The following PRKG1 variants were observed in gnomAD, a reference collection of about 807,000 sequenced individuals.
The protein encoded by PRKG1 is protein kinase cGMP-dependent 1.
In PRKG1, 35 loss-of-function variants were observed where a neutral mutation model predicts 88.1. The observed-to-expected ratio is 0.40, with a 90% CI of 0.30 to 0.53. The LOEUF is 0.53. Ranked by LOEUF, PRKG1 falls within the 20% of genes least tolerant of loss-of-function variation. The pLI, the probability that PRKG1 is intolerant of heterozygous loss-of-function variation, is 0.59. For missense variants in PRKG1, 540 were observed against 839.8 expected, an observed-to-expected ratio of 0.64 and a Z score of 4.41; for synonymous variants, 303 against 292.5, an observed-to-expected ratio of 1.04 and a Z score of -0.37.
intron 2 of PRKG1, among the ~76,000 whole-genome samples, chr10:51,406,620 TG>T (rs1441471823): frequency 2.0e-3 from 136 of 67,508 alleles, no homozygotes; most frequent in African/African-American, 5.7e-3. Flanking sequence ...GCATTATGTT[TG>T]TTTTTTTTTT....
intron 3 of PRKG1, among the ~76,000 whole-genome samples, chr10:51,725,478 C>T (rs781389344): frequency 7.9e-5 from 12 of 151,534 alleles, no homozygotes; most frequent in Non-Finnish European, 1.6e-4. Context: ...ATTGTTTCCA[C>T]CAAATTTGTG....
chr10:51,875,527 C>T (rs1347342104), intron 4 of PRKG1, among the ~76,000 whole-genome samples: 1 of 152,084 alleles, frequency 6.6e-6, no homozygotes. Flanking sequence ...CCAGCTTCAG[C>T]CTCCCAAGTA....
intron 8 of PRKG1, among the ~76,000 whole-genome samples, chr10:52,159,435 T>C (rs551859147): frequency 1.3e-5 from 2 of 151,570 alleles, no homozygotes; most frequent in African/African-American, 4.8e-5. Flanking sequence ...GGATATGATA[T>C]TATGAGGTTT....
At chr10:51,787,773 A>G (rs1838764839) in intron 3 of PRKG1, among the ~76,000 whole-genome samples, 1 of 152,160 alleles carries the variant, frequency 6.6e-6, no homozygotes, top group South Asian at 2.1e-4. Flanking sequence ...ATTATTAAAT[A>G]TTATCTTTTG....
At chr10:51,503,735 G>C (rs72795138) in intron 3 of PRKG1, among the ~76,000 whole-genome samples, 200 of 152,238 alleles carry the variant, frequency 1.3e-3, no homozygotes, top group Non-Finnish European at 2.3e-3. Context: ...AGGTAGGAAT[G>C]TTTGTAGAGT....
chr10:51,986,529 A>G (rs1039596813), intron 5 of PRKG1, among the ~76,000 whole-genome samples: 2 of 152,232 alleles, frequency 1.3e-5, no homozygotes, highest in African/African-American at 4.8e-5. Flanking sequence ...AGCTAAGAAT[A>G]TCAGTTTCTA....
At chr10:51,701,762 G>A (rs540506286) in intron 3 of PRKG1, among the ~76,000 whole-genome samples, 10 of 150,674 alleles carry the variant, frequency 6.6e-5, no homozygotes, top group Admixed American at 1.3e-4. Flanking sequence ...ATGGTAATGG[G>A]GTATTATAAT....
chr10:52,289,137 C>CT (rs1842184404), intron 16 of PRKG1, 144 bp downstream of exon 16: 1 of 728,486 alleles, frequency 1.4e-6, no homozygotes, highest in Non-Finnish European at 2.2e-6. Context: ...TTTTAAATGC[C>CT]TTTCTAGTTG....
At chr10:51,413,667 T>C (rs891650627) in intron 2 of PRKG1, among the ~76,000 whole-genome samples, 1 of 152,104 alleles carries the variant, frequency 6.6e-6, no homozygotes, top group East Asian at 1.9e-4. Context: ...CCAAAAAAAG[T>C]TTTTAAAAAA....
intron 2 of PRKG1, among the ~76,000 whole-genome samples, chr10:51,402,259 A>G (rs1837761405): frequency 6.6e-6 from 1 of 152,206 alleles, no homozygotes; most frequent in Non-Finnish European, 1.5e-5. Context: ...TAGATTATTA[A>G]TCAGCCAACC....
intron 2 of PRKG1, among the ~76,000 whole-genome samples, chr10:51,353,657 C>T (rs892821885): frequency 2.6e-5 from 4 of 151,884 alleles, no homozygotes; most frequent in African/African-American, 9.7e-5. Flanking sequence ...CAAATGCTGG[C>T]GAGGATGTGG....
chr10:51,449,188 C>T (rs1421166631), intron 2 of PRKG1, among the ~76,000 whole-genome samples: 1 of 151,738 alleles, frequency 6.6e-6, no homozygotes, highest in Non-Finnish European at 1.5e-5. Flanking sequence ...TTGTGTCAAA[C>T]TTGCATATTA....
At chr10:52,266,971 C>T (rs2132424973) in intron 10 of PRKG1, among the ~76,000 whole-genome samples, 2 of 152,108 alleles carry the variant, frequency 1.3e-5, no homozygotes, top group South Asian at 4.2e-4. Flanking sequence ...CACTCCTGTT[C>T]TCCTTTTTTG....
At chr10:52,121,542 A>G (rs1564478077) in intron 7 of PRKG1, among the ~76,000 whole-genome samples, 1 of 152,216 alleles carries the variant, frequency 6.6e-6, no homozygotes, top group Non-Finnish European at 1.5e-5. Flanking sequence ...AGCATCTGGA[A>G]TCCTTTGCTG....
chr10:51,873,604 T>G (rs1841214432), intron 4 of PRKG1, among the ~76,000 whole-genome samples: 1 of 151,212 alleles, frequency 6.6e-6, no homozygotes, highest in Non-Finnish European at 1.5e-5. Flanking sequence ...CTCAGCTCAC[T>G]GCAACCTCTG....
At chr10:51,054,280 T>C (rs948406966) in intron 1 of PRKG1, among the ~76,000 whole-genome samples, 3 of 152,194 alleles carry the variant, frequency 2.0e-5, no homozygotes, top group African/African-American at 4.8e-5. Flanking sequence ...TGCAATTACA[T>C]AGAAGGCATC....
chr10:52,186,711 C>T (rs193194858), intron 9 of PRKG1, among the ~76,000 whole-genome samples: 8 of 151,656 alleles, frequency 5.3e-5, no homozygotes, highest in South Asian at 4.2e-4. Flanking sequence ...TGTTTTAAGA[C>T]ATCACTAAAT....
intron 4 of PRKG1, among the ~76,000 whole-genome samples, chr10:51,862,933 A>G (rs867110841): frequency 3.3e-5 from 5 of 152,148 alleles, no homozygotes; most frequent in African/African-American, 9.7e-5. Flanking sequence ...AATATCACTG[A>G]CATTTTCATT....
intron 5 of PRKG1, among the ~76,000 whole-genome samples, chr10:51,966,832 G>C (rs1170437832): frequency 6.6e-6 from 1 of 152,152 alleles, no homozygotes; most frequent in Non-Finnish European, 1.5e-5. Context: ...CTGGTCATCA[G>C]AGAAATGCAA....
Sources: allele counts gnomAD v4.1 joint callset (sites outside exome capture counted in the v4.1 genomes callset), GRCh38; gene constraint gnomAD v4.1.1; transcripts MANE v1.5; gene names NCBI Gene and HGNC (gene_info 2026-07-23, HGNC 2026-07-21).